SGPL1: variants seen among roughly 807,000 people sequenced by gnomAD.
The protein encoded by SGPL1 is SP-lyase 1.
Under a neutral mutation model 68.9 loss-of-function variants are expected in SGPL1, and 37 were observed. That is an observed-to-expected ratio of 0.54 (90% CI 0.41 to 0.71). SGPL1 has a LOEUF of 0.71. SGPL1 is among the 30% of genes least tolerant of loss of function. SGPL1 has a pLI of 0.00. For synonymous variants in SGPL1, 236 were observed against 248.5 expected, an observed-to-expected ratio of 0.95 and a Z score of 0.47; for missense variants, 551 against 704.6, an observed-to-expected ratio of 0.78 and a Z score of 2.47.
rs1846406040 is a variant in SGPL1, at chr10:70,877,211, T to C, written c.1583T>C (p.Met528Thr). 1.9e-6 allele frequency: 3 copies of C among 1,614,238 alleles called. No individual in the cohort carries two copies. Among genetic ancestry groups the C allele is most frequent in the Non-Finnish European group, 2.5e-6 (3 of 1,180,022 alleles). ...GATTTGTAGGGTGCCATCTATGGCATGGCCCAGACAACTGTTGACAGGAAT... is the reference window on the plus strand; with the variant it reads ...GATTTGTAGGGTGCCATCTATGGCACGGCCCAGACAACTGTTGACAGGAAT... ...KTTGMGAIYG[M>T]AQTTVDRNMV... is the part of the protein sequence containing the mutation. The change falls in exon 15 of 15, where the codon ATG (methionine) becomes ACG (threonine). Residue 528 changes from methionine to threonine, a missense_variant. Coordinates refer to ENST00000373202, the MANE Select transcript of SGPL1 (RefSeq NM_003901.4).
intron 7 of SGPL1, among the ~76,000 whole-genome samples, chr10:70,866,908 A>G (rs1055753406): frequency 2.0e-5 from 3 of 152,142 alleles, no homozygotes; most frequent in African/African-American, 7.2e-5. Flanking sequence ...CTATGTGTGG[A>G]TATTATTTTA....
At chr10:70,870,368 A>G (rs867931211) in intron 9 of SGPL1, among the ~76,000 whole-genome samples, 9 of 151,982 alleles carry the variant, frequency 5.9e-5, no homozygotes, top group African/African-American at 1.9e-4. Flanking sequence ...GTAGCTGGAC[A>G]TGGTGGCATG....
At chr10:70,816,733 G>A (rs1384225837) in intron 1 of SGPL1, 78 bp from the exon 2 acceptor site, 2 of 966,576 alleles carry the variant, frequency 2.1e-6, no homozygotes, top group Admixed American at 1.7e-5. Context: ...CCATAACTTG[G>A]CTGCTCTGGC....
chr10:70,876,653 A>T lies in SGPL1; in HGVS notation c.1558A>T (p.Thr520Ser). The change falls in exon 14 of 15, where the codon ACA (threonine) becomes TCA (serine). Residue 520 changes from threonine to serine, a missense_variant. Physicochemically the swap from Thr to Ser is moderately conservative, Grantham distance 58. Transcript: ENST00000373202. ...QIMKNPKAKT[T>S]GMGAIYGMAQ... The stretch of plus-strand genomic sequence containing the variant: ...CATGAAGAATCCTAAAGCGAAGACC[A>T]CAGGAATGGTAGGGACACTTGGAGT... 6.2e-7 allele frequency: 1 copy of T among 1,611,844 alleles called. No individual in the cohort carries two copies. Among genetic ancestry groups the T allele is most frequent in the Non-Finnish European group, 8.5e-7 (1 of 1,179,322 alleles).
At chr10:70,820,127 A>G (rs1296335918) in intron 2 of SGPL1, 1 of 152,238 alleles carries the variant, frequency 6.6e-6, no homozygotes, top group East Asian at 1.9e-4. Flanking sequence ...TGTTAAGTGT[A>G]GGAATACTGT....
At chr10:70,873,738 G>C (rs1589477178) in intron 12 of SGPL1, 149 bp downstream of exon 12, 2 of 678,798 alleles carry the variant, frequency 2.9e-6, no homozygotes, top group Middle Eastern at 4.2e-4. Flanking sequence ...TAGGGCTTAG[G>C]CCAGACCAGC....
intron 7 of SGPL1, 109 bp from the exon 8 acceptor site, chr10:70,868,236 T>G (rs1846227927): frequency 2.6e-6 from 2 of 780,200 alleles, no homozygotes; most frequent in Admixed American, 2.6e-5. Flanking sequence ...CCTTGCAGCA[T>G]GCATCCAAGA....
intron 7 of SGPL1, chr10:70,860,480 C>T: frequency 2.2e-6 from 1 of 454,278 alleles, no homozygotes; most frequent in African/African-American, 2.1e-5. Context: ...AGGTGATATG[C>T]CTGGCATTCA....
intron 8 of SGPL1, 50 bp downstream of exon 8, chr10:70,868,483 T>G: frequency 7.0e-7 from 1 of 1,424,214 alleles, no homozygotes; most frequent in Non-Finnish European, 9.9e-7. Context: ...CTGTCTGGAG[T>G]ACAGCTTTAT....
At chr10:70,854,591 T>G (rs1845933229) in intron 4 of SGPL1, 117 bp from the exon 5 acceptor site, 1 of 794,034 alleles carries the variant, frequency 1.3e-6, no homozygotes, top group East Asian at 2.5e-5. Flanking sequence ...AGGAAAAATG[T>G]TAGTTTAGTT....
At chr10:70,872,078 T>A in intron 11 of SGPL1, 92 bp downstream of exon 11, 1 of 1,279,534 alleles carries the variant, frequency 7.8e-7, no homozygotes, top group Non-Finnish European at 1.1e-6. Flanking sequence ...AGTATAAAAT[T>A]AACTATAGAA....
intron 2 of SGPL1, among the ~76,000 whole-genome samples, chr10:70,832,675 A>G (rs963268963): frequency 2.6e-5 from 4 of 152,234 alleles, no homozygotes; most frequent in African/African-American, 9.6e-5. Context: ...TATAACCTGT[A>G]TACATGTGCA....
At chr10:70,854,626 C>A in intron 4 of SGPL1, 82 bp from the exon 5 acceptor site, 1 of 1,187,330 alleles carries the variant, frequency 8.4e-7, no homozygotes, top group Non-Finnish European at 1.2e-6. Flanking sequence ...TAGCATTGAG[C>A]AGTTGCTTGA....
intron 7 of SGPL1, among the ~76,000 whole-genome samples, chr10:70,866,888 T>G (rs1482678456): frequency 6.6e-6 from 1 of 152,240 alleles, no homozygotes; most frequent in African/African-American, 2.4e-5. Flanking sequence ...TATCCAATGG[T>G]ATTTTTGTTC....
intron 2 of SGPL1, among the ~76,000 whole-genome samples, chr10:70,830,644 G>A (rs748680908): frequency 2.0e-5 from 3 of 152,104 alleles, no homozygotes; most frequent in Non-Finnish European, 4.4e-5. Flanking sequence ...TAATATCGAG[G>A]CTATTTCTAT....
At chr10:70,854,497 A>G (rs1049134281) in intron 4 of SGPL1, among the ~76,000 whole-genome samples, 1 of 152,084 alleles carries the variant, frequency 6.6e-6, no homozygotes, top group African/African-American at 2.4e-5. Flanking sequence ...ACCTTTAGAG[A>G]GAAGCTTCGC....
chr10:70,831,735 A>G (rs1242332607), intron 2 of SGPL1, among the ~76,000 whole-genome samples: 1 of 152,132 alleles, frequency 6.6e-6, no homozygotes, highest in Non-Finnish European at 1.5e-5. Context: ...TTACATAGGC[A>G]TGATTGACAA....
rs1239103117 is a variant in SGPL1, at chr10:70,871,896, C to T, written c.969C>T (p.Ile323=). The T allele has an allele frequency of 5.6e-6, 9 of 1,613,896 alleles. No individual in the cohort carries two copies. The highest frequency in any genetic ancestry group is 3.3e-5 in the Admixed American group (2 of 59,990). The change falls in exon 11 of 15, where the codon ATC becomes ATT. Residue 323 remains isoleucine (I), a synonymous_variant. Coordinates refer to ENST00000373202, the MANE Select transcript of SGPL1 (RefSeq NM_003901.4). ...HVDACLGGFL[I]VFMEKAGYPL... ...ACGCTTGTCTGGGAGGCTTCCTCATCGTCTTTATGGAGAAAGCAGGATACC... is the reference window on the plus strand; with the variant it reads ...ACGCTTGTCTGGGAGGCTTCCTCATTGTCTTTATGGAGAAAGCAGGATACC...
intron 7 of SGPL1, among the ~76,000 whole-genome samples, chr10:70,860,209 G>GA (rs1297714448): frequency 2.6e-5 from 4 of 152,004 alleles, no homozygotes; most frequent in African/African-American, 7.2e-5. Flanking sequence ...GTTGTCTTTA[G>GA]AAAAAACGAA....
Sources: gnomAD v4.1 joint callset for allele counts (sites outside exome capture counted in the v4.1 genomes callset) on GRCh38, gnomAD v4.1.1 for gene constraint, MANE v1.5 for transcripts, NCBI Gene and HGNC (gene_info 2026-07-23, HGNC 2026-07-21) for gene names.